The following NCBP3 variants were observed in gnomAD, a reference collection of about 807,000 sequenced individuals.
NCBP3 encodes the protein nuclear cap binding subunit 3.
Under a neutral mutation model 75.7 loss-of-function variants are expected in NCBP3, and 20 were observed. The observed-to-expected ratio is 0.26, with a 90% CI of 0.19 to 0.38. NCBP3 has a LOEUF of 0.38. Ranked by LOEUF, NCBP3 falls within the 10% of genes least tolerant of loss-of-function variation. The pLI is 1.00. For missense variants in NCBP3, 678 were observed against 796.9 expected (o/e 0.85, Z 1.80); for synonymous variants, 293 against 290.5 (o/e 1.01, Z -0.09).
At chr17:3,841,564 A>G (rs753322745) in intron 2 of NCBP3, among the ~76,000 whole-genome samples, 2 of 144,218 alleles carry the variant, frequency 1.4e-5, no homozygotes, top group African/African-American at 5.2e-5. Flanking sequence ...TTTTCACTTT[A>G]TTCTCTTTTC....
chr17:3,825,107 A>C, intron 6 of NCBP3, 57 bp from the exon 7 acceptor site: 2 of 942,158 alleles, frequency 2.1e-6, no homozygotes, highest in Non-Finnish European at 3.1e-6. Context: ...ATATTTCTTC[A>C]GTAGTAAAGC....
intron 1 of NCBP3, among the ~76,000 whole-genome samples, chr17:3,845,762 G>C (rs1204574560): frequency 6.6e-6 from 1 of 152,040 alleles, no homozygotes; most frequent in African/African-American, 2.4e-5. Flanking sequence ...GCACAGCGCG[G>C]CTCAGAGGGG....
At chr17:3,823,480 T>C (rs1007651834) in intron 7 of NCBP3, among the ~76,000 whole-genome samples, 4 of 152,204 alleles carry the variant, frequency 2.6e-5, no homozygotes, top group African/African-American at 9.7e-5. Flanking sequence ...AGAGCACCTG[T>C]CTACTGGTAA....
At position 3,814,390 on chromosome 17, in the gene NCBP3, T is replaced by G; in HGVS notation, c.1559A>C (p.His520Pro). The G allele has an allele frequency of 6.2e-7, 1 of 1,614,206 alleles. No individual in the cohort carries two copies. Among genetic ancestry groups the G allele is most frequent in the Non-Finnish European group, 8.5e-7 (1 of 1,180,030 alleles). Residue 520 changes from histidine (H) to proline (P), a missense_variant, in exon 12 of 13, where the codon CAT becomes CCT. By Grantham distance (77) the His-to-Pro change is moderately conservative. This residue lies in a region of NCBP3 where 365 missense variants were observed against 392.7 expected (regional missense o/e 0.93). Transcript: ENST00000389005. ...CTGCCTGGGAACACCTAGCCTACTA[T>G]GCACATCAGAAGAGGGCTCTCTCCG... ...VVRREPSSDV[H>P]SRLGVPRQDS...
At chr17:3,835,217 T>A (rs533702214) in intron 3 of NCBP3, among the ~76,000 whole-genome samples, 39 of 152,312 alleles carry the variant, frequency 2.6e-4, no homozygotes, top group African/African-American at 5.5e-4. Context: ...GTAATTTTTT[T>A]AAAAAAGTGC....
rs981358733 is a variant in NCBP3 at position 3,808,405 on chromosome 17, G to A, written c.*4639C>T. 1.3e-5 allele frequency: 2 copies of A among 152,190 alleles called. No homozygotes were observed. The highest frequency in any genetic ancestry group is 2.9e-5 in the Non-Finnish European group (2 of 68,038). 9.4% of individuals were successfully genotyped at this position (152,190 alleles called of 1,614,324 possible). ...TTAGAACTGAATCCTGGAGAGAGCT[G>A]AGACTCTTCTGTGGCAGTACCATGG... is the stretch of plus-strand genomic sequence containing the variant. On this transcript the variant is annotated 3_prime_UTR_variant, in exon 13 of 13. Coordinates refer to ENST00000389005, the MANE Select transcript of NCBP3 (RefSeq NM_001114118.3).
At chr17:3,815,931 T>G (rs147104004) in intron 11 of NCBP3, among the ~76,000 whole-genome samples, 185 bp downstream of exon 11, 1 of 152,192 alleles carries the variant, frequency 6.6e-6, no homozygotes, top group Non-Finnish European at 1.5e-5. Flanking sequence ...TTAAAGCTAG[T>G]TTTTCAGAAG....
chr17:3,845,945 C>T (rs2054156708), intron 1 of NCBP3, 96 bp downstream of exon 1: 3 of 1,384,120 alleles, frequency 2.2e-6, no homozygotes, highest in Admixed American at 4.6e-5. Flanking sequence ...CCTTGACTTC[C>T]CCGGCTGGGG....
In NCBP3 at chr17:3,818,686, A is replaced by G. The variant is rs187180143; in HGVS notation, c.1001-114T>C. On this transcript the variant is annotated intron_variant, in intron 9 of 12. Coordinates refer to ENST00000389005, the MANE Select transcript of NCBP3 (RefSeq NM_001114118.3). This position sits in a 1 kb window ranked among gnomAD's most constrained non-coding sequence, Gnocchi z 4.7. Reference sequence around the variant, plus strand: ...GTGGGGTTCCCATCCCTGACATTTTATTGGAGCACTATCTATAATAGTGCC... The same window carrying G: ...GTGGGGTTCCCATCCCTGACATTTTGTTGGAGCACTATCTATAATAGTGCC... 4.3e-6 allele frequency: 5 copies of G among 1,164,786 alleles called. No individual in the cohort carries two copies. The highest frequency in any genetic ancestry group is 2.3e-5 in the Admixed American group (1 of 44,062). 72.2% of individuals were successfully genotyped at this position (1,164,786 alleles called of 1,614,324 possible). A position where few individuals can be genotyped will look rare whatever the true frequency, so the allele number is the denominator to read the frequency against.
intron 4 of NCBP3, among the ~76,000 whole-genome samples, chr17:3,826,508 G>C (rs2053786167): frequency 6.6e-6 from 1 of 152,128 alleles, no homozygotes; most frequent in Admixed American, 6.6e-5. Flanking sequence ...GCATGAGCCG[G>C]TAGTCCCAGC....
In NCBP3 at chr17:3,818,681, A is replaced by G; in HGVS notation, c.1001-109T>C. The G allele has an allele frequency of 6.6e-6, 8 of 1,213,842 alleles. No individual in the cohort carries two copies. Among genetic ancestry groups the G allele is most frequent in the Non-Finnish European group, 6.9e-6 (6 of 872,890 alleles). The allele number at this position is 1,213,842 out of a possible 1,614,324, so 75.2% of individuals were successfully genotyped here. ...AAAAGGTGGGGTTCCCATCCCTGAC[A>G]TTTTATTGGAGCACTATCTATAATA... On this transcript the variant is annotated intron_variant, in intron 9 of 12. Coordinates refer to ENST00000389005, the MANE Select transcript of NCBP3 (RefSeq NM_001114118.3). The surrounding 1 kb of genome is among the most constrained non-coding windows in gnomAD (Gnocchi z 4.7).
At chr17:3,829,422 C>T (rs1028106315) in intron 3 of NCBP3, 54 bp from the exon 4 acceptor site, 42 of 1,537,536 alleles carry the variant, frequency 2.7e-5, no homozygotes, top group Non-Finnish European at 3.3e-5. Context: ...CGCAACTGCA[C>T]ATCCCATCCA....
chr17:3,827,090 AG>A (rs2053802424), intron 4 of NCBP3, among the ~76,000 whole-genome samples: 1 of 114,476 alleles, frequency 8.7e-6, no homozygotes, highest in Non-Finnish European at 1.7e-5. Flanking sequence ...GGAAAGGGGA[AG>A]GGGGAAGGGA....
intron 3 of NCBP3, among the ~76,000 whole-genome samples, chr17:3,839,810 G>A (rs1005759788): frequency 6.6e-5 from 10 of 152,174 alleles, no homozygotes; most frequent in African/African-American, 2.2e-4. Flanking sequence ...ATGAGTAAGG[G>A]TCCTTAGAAG....
chr17:3,825,134 A>G, intron 6 of NCBP3, 84 bp from the exon 7 acceptor site: 2 of 707,520 alleles, frequency 2.8e-6, no homozygotes, highest in Non-Finnish European at 2.3e-6. Context: ...TAAGAAAAGC[A>G]TTCTACCTTT....
chr17:3,817,018 G>C (rs2143644953), intron 10 of NCBP3, among the ~76,000 whole-genome samples: 1 of 151,622 alleles, frequency 6.6e-6, no homozygotes, highest in Admixed American at 6.6e-5. Context: ...CTGGGCGACA[G>C]AGCGAGACTC....
At chr17:3,830,647 G>C (rs1235553010) in intron 3 of NCBP3, among the ~76,000 whole-genome samples, 1 of 152,218 alleles carries the variant, frequency 6.6e-6, no homozygotes, top group Non-Finnish European at 1.5e-5. Flanking sequence ...GAGTGCAGTG[G>C]CACGATCTCG....
rs535663658 is a variant in NCBP3 at position 3,811,895 on chromosome 17, A to G, written c.*1149T>C. 3.3e-5 allele frequency: 5 copies of G among 152,254 alleles called. No homozygotes were observed. Among genetic ancestry groups the G allele is most frequent in the African/African-American group, 1.2e-4 (5 of 41,470 alleles). The allele number at this position is 152,254 out of a possible 1,614,324, so 9.4% of individuals were successfully genotyped here. A position where few individuals can be genotyped will look rare whatever the true frequency, so the allele number is the denominator to read the frequency against. ...TAATCTGAAAGGAGTTTAAAAATAA[A>G]TGAACTAAAATTTTTATAACTATTA... On this transcript the variant is annotated 3_prime_UTR_variant, in exon 13 of 13. Transcript: ENST00000389005.
chr17:3,826,467 G>A (rs2053785412), intron 4 of NCBP3, among the ~76,000 whole-genome samples: 1 of 151,854 alleles, frequency 6.6e-6, no homozygotes, highest in Admixed American at 6.6e-5. Context: ...GTGACACCCT[G>A]TCTCTACAAA....
Sources: gnomAD v4.1 joint callset for allele counts (sites outside exome capture counted in the v4.1 genomes callset) on GRCh38, gnomAD v4.1.1 for gene constraint, gnomAD v4.1.1 regional missense constraint, Gnocchi (gnomAD v3.1) non-coding constraint, MANE v1.5 for transcripts, NCBI Gene and HGNC (gene_info 2026-07-23, HGNC 2026-07-21) for gene names.